KCNAB2: variants seen among roughly 807,000 people sequenced by gnomAD.
The protein encoded by KCNAB2 is voltage-gated potassium channel subunit beta-2.
A neutral mutation model predicts 63.6 loss-of-function variants in KCNAB2; 29 were observed. The ratio of observed to expected loss-of-function variants is 0.46; its 90% CI spans 0.34 to 0.62. The LOEUF is 0.62. Ranked by LOEUF, KCNAB2 falls within the 20% of genes least tolerant of loss-of-function variation. KCNAB2 has a pLI of 0.01. For missense variants in KCNAB2, 359 were observed against 563.9 expected (o/e 0.64, Z 3.68); for synonymous variants, 222 against 224.2 (o/e 0.99, Z 0.09).
chr1:5,999,092 T>C (rs1173830626), intron 1 of KCNAB2, among the ~76,000 whole-genome samples: 4 of 152,252 alleles, frequency 2.6e-5, no homozygotes, highest in Admixed American at 6.5e-5. Flanking sequence ...AACGGCGCAT[T>C]CTTCCATTTC....
intron 1 of KCNAB2, among the ~76,000 whole-genome samples, chr1:6,016,895 G>A (rs186792205): frequency 2.0e-3 from 304 of 152,314 alleles, no homozygotes; most frequent in Non-Finnish European, 3.3e-3. Context: ...TCTGGGTACC[G>A]GTTATGAAAG....
intron 2 of KCNAB2, among the ~76,000 whole-genome samples, chr1:6,057,577 T>TA (rs1479757251): frequency 2.6e-5 from 4 of 152,200 alleles, no homozygotes; most frequent in African/African-American, 9.6e-5. Flanking sequence ...GATCCTGTTT[T>TA]ACTTTCCTGA....
upstream of KCNAB2, among the ~76,000 whole-genome samples, chr1:6,042,262 T>C (rs1660558964): frequency 6.6e-6 from 1 of 152,086 alleles, no homozygotes; most frequent in Admixed American, 6.6e-5. Context: ...GCCCATCCGT[T>C]CCCCCTTTGC....
Position 6,100,211 on chromosome 1 carries a change from G to T in KCNAB2, c.*1637G>T. On this transcript the variant is annotated 3_prime_UTR_variant, in exon 16 of 16. Coordinates refer to ENST00000378083, the MANE Select transcript of KCNAB2 (RefSeq NM_001199862.2). ...AAGTCAGAAAGGCCAGCGGGGAGAGGCTGGGGCGAGGGGAGGAGGGGGATC... is the reference window on the plus strand; with the variant it reads ...AAGTCAGAAAGGCCAGCGGGGAGAGTCTGGGGCGAGGGGAGGAGGGGGATC... 13 of 959,392 alleles carry T rather than the reference G, an allele frequency of 1.4e-5. No individual in the cohort carries two copies. The highest frequency in any genetic ancestry group is 1.9e-5 in the Non-Finnish European group (13 of 694,646). The allele number at this position is 959,392 out of a possible 1,614,324, so 59.4% of individuals were successfully genotyped here. A position where few individuals can be genotyped will look rare whatever the true frequency, so the allele number is the denominator to read the frequency against.
At chr1:6,047,729 G>T (rs1006896190) in intron 1 of KCNAB2, among the ~76,000 whole-genome samples, 44 of 152,320 alleles carry the variant, frequency 2.9e-4, no homozygotes, top group African/African-American at 1.0e-3. Flanking sequence ...TGGTCAGGGG[G>T]CAGTGGCAGC....
intron 2 of KCNAB2, among the ~76,000 whole-genome samples, chr1:6,065,430 C>A (rs902235946): frequency 6.6e-6 from 1 of 152,214 alleles, no homozygotes; most frequent in Admixed American, 6.5e-5. Flanking sequence ...GCCTCAGCCG[C>A]CCACAGCGCG....
chr1:6,058,957 G>A (rs955537563), intron 2 of KCNAB2, among the ~76,000 whole-genome samples: 5 of 151,836 alleles, frequency 3.3e-5, no homozygotes, highest in African/African-American at 1.2e-4. Flanking sequence ...GGTCATCCCA[G>A]GCCTGGAAAC....
At chr1:6,092,278 C>T (rs1457694067) in intron 10 of KCNAB2, among the ~76,000 whole-genome samples, 1 of 152,250 alleles carries the variant, frequency 6.6e-6, no homozygotes, top group African/African-American at 2.4e-5. Flanking sequence ...CCCTGTCCAG[C>T]CTGCTTCTGC....
upstream of KCNAB2, chr1:6,045,840 C>T (rs1660875474): frequency 1.1e-6 from 1 of 932,034 alleles, no homozygotes; most frequent in African/African-American, 1.8e-5. This position sits in a 1 kb window ranked among gnomAD's most constrained non-coding sequence, Gnocchi z 4.8. Flanking sequence ...GAGGGACGGG[C>T]AGGACCTCCC....
rs1325702245 is a variant in KCNAB2, at chr1:6,071,672, C to T, written c.219-1083C>T. On this transcript the variant is annotated intron_variant, in intron 2 of 15. Coordinates refer to ENST00000378083, the MANE Select transcript of KCNAB2 (RefSeq NM_001199862.2). This position sits in a 1 kb window ranked among gnomAD's most constrained non-coding sequence, Gnocchi z 8.5. ...CTGCCGCTTAGGACTCCTGCCACCG[C>T]GTAGGGCTCTGCTGCGTAGGACTCC... Among the ~76,000 whole-genome samples the T allele has an allele frequency of 2.6e-5, 4 of 152,112 alleles. No individual in the cohort carries two copies. The highest frequency in any genetic ancestry group is 4.8e-5 in the African/African-American group (2 of 41,424).
chr1:6,082,295 GA>G, intron 5 of KCNAB2, 21 bp downstream of exon 5: 5 of 1,597,790 alleles, frequency 3.1e-6, no homozygotes, highest in East Asian at 2.2e-5. Context: ...TTTCACACGG[GA>G]AAAAGTGGTT....
rs146048790 is a variant in KCNAB2, at chr1:6,098,596, G to T, written c.*22G>T. 1.5e-5 allele frequency: 24 copies of T among 1,611,002 alleles called. No homozygotes were observed. In the African/African-American group the frequency reaches 2.7e-4, roughly 18 times the overall value. On this transcript the variant is annotated 3_prime_UTR_variant, in exon 16 of 16. Coordinates refer to ENST00000378083, the MANE Select transcript of KCNAB2 (RefSeq NM_001199862.2). ...CTAAGCCGCCCCCGCCCGCCTGCTC[G>T]GACAGTTTCCGTTCCCTCCTAGTCT...
rs1042332029 is a variant in KCNAB2 at position 6,087,254 on chromosome 1, C to T, written c.426-213C>T. ...ACTGCCTGACTCACAGTTACTGCCT[C>T]GGTGGCTGCCTCCTGGCTCCATGAG... On this transcript the variant is annotated intron_variant, in intron 6 of 15. Coordinates refer to ENST00000378083, the MANE Select transcript of KCNAB2 (RefSeq NM_001199862.2). This position sits in a 1 kb window ranked among gnomAD's most constrained non-coding sequence, Gnocchi z 6.4. Among the ~76,000 whole-genome samples the T allele has an allele frequency of 3.9e-5, 6 of 152,338 alleles. No homozygotes were observed. In the East Asian group the frequency reaches 5.8e-4, roughly 15 times the overall value.
chr1:6,036,931 G>A (rs1296666498), intron 1 of KCNAB2, among the ~76,000 whole-genome samples: 1 of 152,200 alleles, frequency 6.6e-6, no homozygotes, highest in East Asian at 1.9e-4. Context: ...CAGCCAGCCA[G>A]TCTCTGTTGC....
chr1:6,046,390 G>A (rs1421484619), intron 1 of KCNAB2, among the ~76,000 whole-genome samples: 5 of 152,224 alleles, frequency 3.3e-5, no homozygotes, highest in African/African-American at 7.2e-5. Flanking sequence ...GGATGGGGTG[G>A]TGGGCGGCAG....
At chr1:6,010,920 C>T (rs1356757744) in intron 1 of KCNAB2, among the ~76,000 whole-genome samples, 4 of 152,190 alleles carry the variant, frequency 2.6e-5, no homozygotes, top group Non-Finnish European at 4.4e-5. Context: ...GCTCTGCAGG[C>T]GAGCAGCCTG....
upstream of KCNAB2, among the ~76,000 whole-genome samples, chr1:6,032,223 G>A (rs984518366): frequency 8.5e-5 from 13 of 152,102 alleles, no homozygotes; most frequent in Non-Finnish European, 1.6e-4. Context: ...GGGTCATAGG[G>A]GAACCGAATA....
chr1:6,007,511 T>TGCCCCTCCTCC (rs1657881979), intron 1 of KCNAB2: 1 of 151,510 alleles, frequency 6.6e-6, no homozygotes, highest in Admixed American at 6.6e-5. Context: ...GCGCCACCTC[T>TGCCCCTCCTCC]GCGCCTCCTC....
Position 6,073,662 on chromosome 1 carries a change from G to C in KCNAB2, c.263-71G>C. The C allele has an allele frequency of 6.8e-7, 1 of 1,475,940 alleles. No individual in the cohort carries two copies. The highest frequency in any genetic ancestry group is 9.5e-7 in the Non-Finnish European group (1 of 1,054,430). 91.4% of individuals were successfully genotyped at this position (1,475,940 alleles called of 1,614,324 possible). Reference sequence around the variant, plus strand: ...CTGCCCCCTGTGCCCTACAGCCTGAGGTCTGAGCACCGACGGGATAATCTG... The same window carrying C: ...CTGCCCCCTGTGCCCTACAGCCTGACGTCTGAGCACCGACGGGATAATCTG... On this transcript the variant is annotated intron_variant, in intron 3 of 15. Transcript: ENST00000378083. The surrounding 1 kb of genome is among the most constrained non-coding windows in gnomAD (Gnocchi z 5.7).
Sources: gnomAD v4.1 joint callset for allele counts (sites outside exome capture counted in the v4.1 genomes callset) on GRCh38, gnomAD v4.1.1 for gene constraint, Gnocchi (gnomAD v3.1) non-coding constraint, MANE v1.5 for transcripts, NCBI Gene and HGNC (gene_info 2026-07-23, HGNC 2026-07-21) for gene names.